Variants in SPATA31F3 observed in about 807,000 individuals in gnomAD.
SPATA31F3 encodes SPATA31 subfamily F member 3.
At chr9:34,894,602 C>G in the SPATA31F3 span, 1 of 397,688 alleles carries the variant, frequency 2.5e-6, no homozygotes, top group Non-Finnish European at 4.4e-6. Flanking sequence ...TACTGAAAAC[C>G]CCAGAGTCAG....
At chr9:34,893,065 C>T in the SPATA31F3 span, 1 of 972,994 alleles carries the variant, frequency 1.0e-6, no homozygotes, top group Non-Finnish European at 1.5e-6. Context: ...ATTGCTTAAT[C>T]TCCAGAGCCA....
At chr9:34,895,404 A>G in the SPATA31F3 span, among the ~76,000 whole-genome samples, 3 of 152,204 alleles carry the variant, frequency 2.0e-5, no homozygotes, top group African/African-American at 7.2e-5. Context: ...GAGTTCAGCC[A>G]TCAAATGGCC....
chr9:34,893,150 T>C, the SPATA31F3 span: 7 of 619,410 alleles, frequency 1.1e-5, no homozygotes, highest in Non-Finnish European at 1.3e-5. Flanking sequence ...AAGCCAGCCC[T>C]GGCTGGGAAG....
the SPATA31F3 span, among the ~76,000 whole-genome samples, chr9:34,893,638 G>T: frequency 6.6e-6 from 1 of 151,938 alleles, no homozygotes; most frequent in Non-Finnish European, 1.5e-5. Flanking sequence ...AAAAGAAAAA[G>T]CCATTTGGCA....
At chr9:34,889,882 C>T in the SPATA31F3 span, among the ~76,000 whole-genome samples, 28 of 152,194 alleles carry the variant, frequency 1.8e-4, no homozygotes, top group African/African-American at 5.1e-4. Context: ...TGGGCACTCC[C>T]GGTTTGGCAT....
At chr9:34,895,331 T>C in the SPATA31F3 span, among the ~76,000 whole-genome samples, 1 of 152,108 alleles carries the variant, frequency 6.6e-6, no homozygotes, top group Non-Finnish European at 1.5e-5. Context: ...CGGTGGGGAC[T>C]TTAGGATGAG....
chr9:34,891,966 G>A, the SPATA31F3 span, among the ~76,000 whole-genome samples: 1 of 152,166 alleles, frequency 6.6e-6, no homozygotes, highest in Non-Finnish European at 1.5e-5. Context: ...AGGTGGGGAA[G>A]GAGGGGAGAT....
the SPATA31F3 span, among the ~76,000 whole-genome samples, chr9:34,892,431 G>A: frequency 6.6e-6 from 1 of 152,234 alleles, no homozygotes; most frequent in Non-Finnish European, 1.5e-5. Context: ...AAAATTAGAA[G>A]TGGTGTGGTA....
At chr9:34,891,767 A>G in the SPATA31F3 span, among the ~76,000 whole-genome samples, 1 of 152,186 alleles carries the variant, frequency 6.6e-6, no homozygotes, top group African/African-American at 2.4e-5. Flanking sequence ...AAAGGCTGCA[A>G]CATGTCTCAG....
the SPATA31F3 span, chr9:34,894,371 C>T: frequency 2.5e-6 from 1 of 398,304 alleles, no homozygotes; most frequent in East Asian, 3.6e-5. Context: ...TCATCTCTAC[C>T]CCAAGCCAAG....
the SPATA31F3 span, chr9:34,893,113 G>T: frequency 2.3e-6 from 2 of 858,496 alleles, no homozygotes; most frequent in Non-Finnish European, 3.4e-6. Context: ...CTGCACACAG[G>T]ATTCGCCGCA....
At chr9:34,894,311 T>G in the SPATA31F3 span, 8 of 395,558 alleles carry the variant, frequency 2.0e-5, no homozygotes, top group Admixed American at 1.3e-4. Context: ...TCTCAACTAG[T>G]GAACCAGCCT....
chr9:34,891,555 T>C, the SPATA31F3 span, among the ~76,000 whole-genome samples: 224 of 152,328 alleles, frequency 1.5e-3, no homozygotes, highest in African/African-American at 5.1e-3. Context: ...CAGGGATTAT[T>C]GGTCATCAGG....
At chr9:34,891,953 A>G in the SPATA31F3 span, among the ~76,000 whole-genome samples, 1 of 152,074 alleles carries the variant, frequency 6.6e-6, no homozygotes, top group Non-Finnish European at 1.5e-5. Context: ...AATGTGGGGG[A>G]AAAGGTGGGG....
At chr9:34,891,720 G>A in the SPATA31F3 span, among the ~76,000 whole-genome samples, 1 of 152,178 alleles carries the variant, frequency 6.6e-6, no homozygotes, top group South Asian at 2.1e-4. Flanking sequence ...GACTGAAATG[G>A]ACTTCCCCAA....
At chr9:34,893,563 T>G in the SPATA31F3 span, among the ~76,000 whole-genome samples, 1 of 151,124 alleles carries the variant, frequency 6.6e-6, no homozygotes, top group Admixed American at 6.6e-5. Flanking sequence ...ATTGTGCCGT[T>G]GTACTCCAGC....
chr9:34,889,319 C>A, the SPATA31F3 span: 2 of 398,688 alleles, frequency 5.0e-6, no homozygotes, highest in Non-Finnish European at 4.4e-6. Flanking sequence ...TGGCACAGGA[C>A]CCAGGATTGG....
At chr9:34,895,588 G>A in the SPATA31F3 span, 1 of 398,788 alleles carries the variant, frequency 2.5e-6, no homozygotes, top group East Asian at 3.6e-5. Flanking sequence ...CCCGGCAACA[G>A]CTCCTGTTAG....
chr9:34,893,621 G>T, the SPATA31F3 span, among the ~76,000 whole-genome samples: 1 of 151,712 alleles, frequency 6.6e-6, no homozygotes, highest in Non-Finnish European at 1.5e-5. Flanking sequence ...AAAGAAAAAA[G>T]AAAAGAAAAA....
Sources: allele counts gnomAD v4.1 joint callset (sites outside exome capture counted in the v4.1 genomes callset), GRCh38; gene constraint gnomAD v4.1.1; transcripts MANE v1.5; gene names NCBI Gene and HGNC (gene_info 2026-07-23, HGNC 2026-07-21).